FAM24B: variants seen among roughly 807,000 people sequenced by gnomAD.
The protein encoded by FAM24B is protein FAM24B.
A neutral mutation model predicts 2.3 loss-of-function variants in FAM24B; 3 were observed. The observed-to-expected ratio is 1.29, with a 90% confidence interval of 0.59 to 3.32. The LOEUF (loss-of-function observed/expected upper bound fraction) is 3.32. Ranked by LOEUF, FAM24B falls within the 30% of genes most tolerant of loss-of-function variation. FAM24B has a pLI of 0.03. For missense variants in FAM24B, 98 were observed against 117.2 expected (o/e 0.84, Z 0.76); for synonymous variants, 36 against 46.3 (o/e 0.78, Z 0.90).
At chr10:122,873,564 T>A (rs1394403507) in intron 1 of FAM24B, among the ~76,000 whole-genome samples, 1 of 152,252 alleles carries the variant, frequency 6.6e-6, no homozygotes, top group East Asian at 1.9e-4. Flanking sequence ...CCGCAGCCCA[T>A]GGATCAAGGA....
At chr10:122,869,721 G>A (rs1057290204) in intron 1 of FAM24B, among the ~76,000 whole-genome samples, 2 of 152,060 alleles carry the variant, frequency 1.3e-5, no homozygotes, top group Admixed American at 6.6e-5. Context: ...AAATAAAGAG[G>A]TTCTTTGAAA....
chr10:122,850,392 A>C (rs1186453279), intron 3 of FAM24B, 32 bp downstream of exon 3: 4 of 1,552,276 alleles, frequency 2.6e-6, no homozygotes, highest in Non-Finnish European at 3.6e-6. Context: ...GACTCACTTT[A>C]GTACGTTGTT....
rs559912662 is a variant in FAM24B at position 122,854,840 on chromosome 10, C to A, written c.-36+805G>T. On this transcript the variant is annotated intron_variant, in intron 2 of 3. Coordinates refer to ENST00000368898, the MANE Select transcript of FAM24B (RefSeq NM_152644.3). ...GACTTTCACCCAAGTCAGTTATTTG[C>A]GAACTGCCCATCCTGTGACTAACAC... Among the ~76,000 whole-genome samples, 258 of 152,328 alleles carry A rather than the reference C, an allele frequency of 1.7e-3. 1 individual carries two copies. The highest frequency in any genetic ancestry group is 6.1e-3 in the African/African-American group (253 of 41,564).
At chr10:122,860,641 A>T (rs2133831504) in intron 1 of FAM24B, among the ~76,000 whole-genome samples, 1 of 152,376 alleles carries the variant, frequency 6.6e-6, no homozygotes, top group South Asian at 2.1e-4. Context: ...CTAGCAATGA[A>T]GTTGAATTCT....
At chr10:122,862,142 G>C (rs1182810249) in intron 1 of FAM24B, among the ~76,000 whole-genome samples, 1 of 152,108 alleles carries the variant, frequency 6.6e-6, no homozygotes, top group African/African-American at 2.4e-5. Context: ...TCACACCTGA[G>C]TGCATTCCTC....
intron 2 of FAM24B, among the ~76,000 whole-genome samples, chr10:122,850,952 A>G (rs556769672): frequency 5.4e-4 from 82 of 152,086 alleles, no homozygotes; most frequent in Admixed American, 3.9e-4. Context: ...ATGACCCCCC[A>G]CTGGATATCA....
intron 1 of FAM24B, among the ~76,000 whole-genome samples, chr10:122,863,657 A>G (rs1215087120): frequency 6.6e-6 from 1 of 152,192 alleles, no homozygotes; most frequent in Non-Finnish European, 1.5e-5. Flanking sequence ...TTAATTCCTT[A>G]GTGAATACTT....
intron 1 of FAM24B, among the ~76,000 whole-genome samples, chr10:122,875,032 T>C (rs1847956434): frequency 6.6e-6 from 1 of 152,188 alleles, no homozygotes; most frequent in Non-Finnish European, 1.5e-5. Context: ...TTCTCACATA[T>C]TTCTTCTACT....
chr10:122,855,656 A>G lies in FAM24B; in HGVS notation c.-47T>C, dbSNP rs1847626494. On this transcript the variant is annotated 5_prime_UTR_variant, in exon 2 of 4. Coordinates refer to ENST00000368898, the MANE Select transcript of FAM24B (RefSeq NM_152644.3). ...TCATCTTATTTTACCTGCATAAATA[A>G]TGGCTCCTCTGCTCCAGGAAGGGCA... 1 of 152,228 alleles carries G rather than the reference A, an allele frequency of 6.6e-6. No homozygotes were observed. Among genetic ancestry groups the G allele is most frequent in the South Asian group, 2.1e-4 (1 of 4,836 alleles). 9.4% of individuals were successfully genotyped at this position (152,228 alleles called of 1,614,324 possible). A position where few individuals can be genotyped will look rare whatever the true frequency, so the allele number is the denominator to read the frequency against.
intron 1 of FAM24B, among the ~76,000 whole-genome samples, chr10:122,869,261 C>G (rs944045248): frequency 3.3e-5 from 5 of 152,214 alleles, no homozygotes; most frequent in Non-Finnish European, 5.9e-5. Flanking sequence ...GCACCCAGTA[C>G]AGGAGCACCC....
intron 1 of FAM24B, among the ~76,000 whole-genome samples, chr10:122,866,472 C>T (rs1208855597): frequency 1.3e-5 from 2 of 151,850 alleles, no homozygotes; most frequent in Non-Finnish European, 1.5e-5. Flanking sequence ...TCATAGATAC[C>T]GCATTTTTTG....
chr10:122,867,194 G>C (rs1051462605), intron 1 of FAM24B, among the ~76,000 whole-genome samples: 6 of 152,156 alleles, frequency 3.9e-5, no homozygotes, highest in Non-Finnish European at 7.3e-5. Context: ...AGCTAAGAAA[G>C]GTAAGGAAGC....
intron 1 of FAM24B, among the ~76,000 whole-genome samples, chr10:122,858,983 C>A (rs1847685365): frequency 6.6e-6 from 1 of 152,194 alleles, no homozygotes; most frequent in African/African-American, 2.4e-5. Flanking sequence ...CTTCAGGTTT[C>A]CATCAGCGGT....
intron 1 of FAM24B, among the ~76,000 whole-genome samples, chr10:122,869,962 C>G (rs1460356224): frequency 6.6e-6 from 1 of 152,050 alleles, no homozygotes; most frequent in South Asian, 2.1e-4. Flanking sequence ...AATAGAGACA[C>G]AAAAAGCCCT....
intron 1 of FAM24B, among the ~76,000 whole-genome samples, 186 bp from the exon 2 acceptor site, chr10:122,855,972 G>C (rs1847631014): frequency 6.6e-6 from 1 of 152,218 alleles, no homozygotes; most frequent in East Asian, 1.9e-4. Context: ...CTGACGCACA[G>C]AGCCACCAGG....
intron 1 of FAM24B, among the ~76,000 whole-genome samples, chr10:122,856,783 G>A (rs1428005813): frequency 1.3e-5 from 2 of 152,150 alleles, no homozygotes; most frequent in East Asian, 3.9e-4. Context: ...GCAAAGAGAT[G>A]TAGACAGTGA....
intron 1 of FAM24B, among the ~76,000 whole-genome samples, chr10:122,865,504 T>C (rs1319808908): frequency 6.6e-6 from 1 of 152,168 alleles, no homozygotes; most frequent in Non-Finnish European, 1.5e-5. Context: ...TTTTTCTACT[T>C]GTTGGATTCT....
chr10:122,872,122 G>A lies in FAM24B; in HGVS notation c.-178+7363C>T, dbSNP rs191605729. On this transcript the variant is annotated intron_variant, in intron 1 of 3. Transcript: ENST00000368898. ...AAAACAACCCTATCAAAAAGTGGGC[G>A]AAGGATATGAACAGACACTTCTCAA... is the stretch of plus-strand genomic sequence containing the variant. Among the ~76,000 whole-genome samples, 459 of 152,200 alleles carry A rather than the reference G, an allele frequency of 3.0e-3. 1 individual carries two copies. Among genetic ancestry groups the A allele is most frequent in the African/African-American group, 0.01 (434 of 41,514 alleles).
intron 1 of FAM24B, among the ~76,000 whole-genome samples, chr10:122,858,391 C>T (rs900972765): frequency 1.4e-4 from 19 of 137,442 alleles, no homozygotes; most frequent in African/African-American, 4.7e-4. Context: ...CATCACACAC[C>T]GGGGCCTATC....
Sources: allele counts gnomAD v4.1 joint callset (sites outside exome capture counted in the v4.1 genomes callset), GRCh38; gene constraint gnomAD v4.1.1; transcripts MANE v1.5; gene names NCBI Gene and HGNC (gene_info 2026-07-23, HGNC 2026-07-21).